PLEKHA5: variants seen among roughly 807,000 people sequenced by gnomAD.
PLEKHA5 encodes pleckstrin homology domain-containing family A member 5.
PLEKHA5 carries 55 observed loss-of-function variants against 181.9 expected under a neutral mutation model. The ratio of observed to expected loss-of-function variants is 0.30; its 90% confidence interval spans 0.24 to 0.38. The LOEUF is 0.38. Ranked by LOEUF, PLEKHA5 falls within the 10% of genes least tolerant of loss-of-function variation. The pLI is 1.00. For synonymous variants in PLEKHA5, 535 were observed against 529.4 expected (o/e 1.01, Z -0.15); for missense variants, 1,432 against 1,549.5 (o/e 0.92, Z 1.27).
intron 3 of PLEKHA5, among the ~76,000 whole-genome samples, chr12:19,182,764 A>G (rs571278854): frequency 2.4e-4 from 37 of 152,362 alleles, no homozygotes; most frequent in African/African-American, 8.7e-4. Context: ...CCCAACAAGT[A>G]TAATATTAGA....
intron 10 of PLEKHA5, among the ~76,000 whole-genome samples, chr12:19,272,119 C>T (rs1397383812): frequency 2.6e-5 from 4 of 151,944 alleles, no homozygotes; most frequent in East Asian, 3.9e-4. Context: ...CACCTGTTCA[C>T]GATAATGTCA....
intron 3 of PLEKHA5, among the ~76,000 whole-genome samples, chr12:19,224,849 T>C (rs1365924531): frequency 6.6e-6 from 1 of 152,110 alleles, no homozygotes; most frequent in Non-Finnish European, 1.5e-5. Flanking sequence ...AAAAAATTAG[T>C]GTTTTAGCCA....
intron 4 of PLEKHA5, among the ~76,000 whole-genome samples, chr12:19,254,563 G>A (rs1184940991): frequency 1.3e-5 from 2 of 152,170 alleles, no homozygotes; most frequent in Admixed American, 1.3e-4. Flanking sequence ...GCTCACGCCT[G>A]TAATCCTAGC....
rs1048496379 is a variant in PLEKHA5 at position 19,235,087 on chromosome 12, G to GA, written c.228-18846dup. Among the ~76,000 whole-genome samples the GA allele has an allele frequency of 9.2e-5, 14 of 152,102 alleles. No homozygotes were observed. The South Asian group carries it at 1.5e-3, about 16-fold the overall frequency. ...ATTTGAAACTAACAAAGCCTTCACTGAAAAAAATGAGAAGGATCATGAATC... is the reference window on the plus strand; with the variant it reads ...ATTTGAAACTAACAAAGCCTTCACTGAAAAAAAATGAGAAGGATCATGAATC... On this transcript the variant is annotated intron_variant, in intron 3 of 31. Coordinates refer to ENST00000429027, the MANE Select transcript of PLEKHA5 (RefSeq NM_001256470.2).
chr12:19,134,276 A>G (rs1269091272), intron 3 of PLEKHA5, among the ~76,000 whole-genome samples: 1 of 152,066 alleles, frequency 6.6e-6, no homozygotes, highest in African/African-American at 2.4e-5. Context: ...TCTAATGCCT[A>G]AGTAGGTTTC....
intron 3 of PLEKHA5, among the ~76,000 whole-genome samples, chr12:19,155,526 C>T (rs543426074): frequency 2.0e-5 from 3 of 152,106 alleles, no homozygotes; most frequent in Non-Finnish European, 4.4e-5. Flanking sequence ...GCCTAGGAAT[C>T]ATCGGTATTA....
chr12:19,162,941 T>G (rs1363970427), intron 3 of PLEKHA5, among the ~76,000 whole-genome samples: 2 of 152,232 alleles, frequency 1.3e-5, no homozygotes, highest in Non-Finnish European at 2.9e-5. Context: ...TAGACTAGTC[T>G]AGTGTCTTCA....
chr12:19,168,607 C>T (rs1438949189), intron 3 of PLEKHA5, among the ~76,000 whole-genome samples: 1 of 152,132 alleles, frequency 6.6e-6, no homozygotes, highest in East Asian at 1.9e-4. Context: ...CTGCACCTTC[C>T]TATGCATTCC....
chr12:19,249,350 C>T (rs1429056639), intron 3 of PLEKHA5, among the ~76,000 whole-genome samples: 1 of 152,154 alleles, frequency 6.6e-6, no homozygotes, highest in African/African-American at 2.4e-5. Flanking sequence ...ACCAAGCCAA[C>T]TACTAAGTAA....
rs116681611 is a variant in PLEKHA5, at chr12:19,356,576, C to G, written c.3139-1652C>G. Among the ~76,000 whole-genome samples the G allele has an allele frequency of 6.4e-3, 960 of 151,008 alleles. 11 individuals are homozygous for G. The highest frequency in any genetic ancestry group is 0.023 in the African/African-American group (928 of 41,182). On this transcript the variant is annotated intron_variant, in intron 26 of 31. Transcript: ENST00000429027. The stretch of plus-strand genomic sequence containing the variant: ...TTATAAGGGAAAATATATTTTACCA[C>G]TTATTAAGTGGAAATAGTTCATCAT...
In PLEKHA5 at chr12:19,190,439, G is replaced by A. The variant is rs1343338783; in HGVS notation, c.227+57989G>A. Among the ~76,000 whole-genome samples, 6 of 152,318 alleles carry A rather than the reference G, an allele frequency of 3.9e-5. No individual in the cohort carries two copies. The South Asian group carries it at 6.2e-4, about 16-fold the overall frequency. On this transcript the variant is annotated intron_variant, in intron 3 of 31. Transcript: ENST00000429027. The stretch of plus-strand genomic sequence containing the variant: ...GGTGCTGCAAGAGAGAAGGCTGAGA[G>A]ATAACTGATTGCATTCAAGATGTGT...
intron 31 of PLEKHA5, among the ~76,000 whole-genome samples, chr12:19,374,578 G>A (rs1402805269): frequency 1.3e-5 from 2 of 151,926 alleles, no homozygotes; most frequent in Non-Finnish European, 2.9e-5. Flanking sequence ...AAAATCACTT[G>A]AACCCGGGAG....
intron 13 of PLEKHA5, 140 bp downstream of exon 13, chr12:19,287,696 T>A (rs2077513951): frequency 3.3e-6 from 2 of 608,492 alleles, no homozygotes; most frequent in Admixed American, 3.3e-5. Context: ...CAAGAGATGC[T>A]CATCAGAATT....
At chr12:19,327,355 A>AT (rs546586801) in intron 20 of PLEKHA5, among the ~76,000 whole-genome samples, 4 of 150,202 alleles carry the variant, frequency 2.7e-5, no homozygotes, top group African/African-American at 7.4e-5. Flanking sequence ...GATATGGAGC[A>AT]TTTTTTTATA....
In PLEKHA5 at chr12:19,265,884, C is replaced by A; in HGVS notation, c.711+34C>A. The A allele has an allele frequency of 2.5e-6, 3 of 1,192,466 alleles. No individual in the cohort carries two copies. In the South Asian group the frequency reaches 3.9e-5, roughly 16 times the overall value. The allele number at this position is 1,192,466 out of a possible 1,614,324, so 73.9% of individuals were successfully genotyped here. Reference sequence around the variant, plus strand: ...ATAATGCAGTTTTTAATTCTGTGTTCAAAACTTGCGTTGGTTAAAATGGAT... The same window carrying A: ...ATAATGCAGTTTTTAATTCTGTGTTAAAAACTTGCGTTGGTTAAAATGGAT... On this transcript the variant is annotated intron_variant, in intron 8 of 31. Transcript: ENST00000429027.
chr12:19,244,405 G>C (rs2063248374), intron 3 of PLEKHA5, among the ~76,000 whole-genome samples: 1 of 152,180 alleles, frequency 6.6e-6, no homozygotes, highest in African/African-American at 2.4e-5. Context: ...TTTCTTCATA[G>C]AGAAATACAG....
chr12:19,246,124 G>T (rs912063456), intron 3 of PLEKHA5, among the ~76,000 whole-genome samples: 1 of 150,844 alleles, frequency 6.6e-6, no homozygotes, highest in Non-Finnish European at 1.5e-5. Context: ...GACTACAGGC[G>T]CCCGCCACCA....
chr12:19,274,169 C>T (rs997694028), intron 10 of PLEKHA5, among the ~76,000 whole-genome samples: 6 of 152,216 alleles, frequency 3.9e-5, no homozygotes, highest in Non-Finnish European at 8.8e-5. Context: ...TGGCTCCTTT[C>T]AAGGGACTAT....
chr12:19,192,011 A>G (rs2151962743), intron 3 of PLEKHA5, among the ~76,000 whole-genome samples: 1 of 152,272 alleles, frequency 6.6e-6, no homozygotes, highest in East Asian at 1.9e-4. Flanking sequence ...AAAGGTGTGT[A>G]TACCCTTGTA....
Sources: gnomAD v4.1 joint callset for allele counts (sites outside exome capture counted in the v4.1 genomes callset) on GRCh38, gnomAD v4.1.1 for gene constraint, MANE v1.5 for transcripts, NCBI Gene and HGNC (gene_info 2026-07-23, HGNC 2026-07-21) for gene names.